The following TICAM2 variants were observed in gnomAD, a reference collection of about 807,000 sequenced individuals.
TICAM2 encodes TIR domain-containing adapter molecule 2.
A neutral mutation model predicts 7.3 loss-of-function variants in TICAM2; 8 were observed. The ratio of observed to expected loss-of-function variants is 1.10; its 90% CI spans 0.65 to 1.99. TICAM2 has a LOEUF of 1.99. Among genes scored for constraint, TICAM2 ranks in the 30% most tolerant of loss-of-function variants. TICAM2 has a pLI of 0.00. For synonymous variants in TICAM2, 113 were observed against 99.6 expected, an observed-to-expected ratio of 1.13 and a Z score of -0.80; for missense variants, 304 against 278.8, an observed-to-expected ratio of 1.09 and a Z score of -0.65.
At chr5:115,590,987 A>C (rs1179074506) in intron 1 of TICAM2, among the ~76,000 whole-genome samples, 1 of 152,170 alleles carries the variant, frequency 6.6e-6, no homozygotes, top group Non-Finnish European at 1.5e-5. Context: ...GGCTATTTGC[A>C]GCTTCCACTT....
At chr5:115,583,543 T>G (rs1755002958) in intron 1 of TICAM2, among the ~76,000 whole-genome samples, 1 of 152,156 alleles carries the variant, frequency 6.6e-6, no homozygotes, top group South Asian at 2.1e-4. Flanking sequence ...AGAAAAAAAC[T>G]AGTGGCAATG....
Position 115,580,453 on chromosome 5 carries a change from C to T in TICAM2, c.*96G>A. On this transcript the variant is annotated 3_prime_UTR_variant, in exon 2 of 2. Transcript: ENST00000427199. ...TAGGTTTCTTTAAGGTGAAGACTCT[C>T]TTTTATTTAAACATTTCCTAGAAAC... The T allele has an allele frequency of 2.2e-6, 3 of 1,388,442 alleles. No individual in the cohort carries two copies. The highest frequency in any genetic ancestry group is 2.8e-6 in the Non-Finnish European group (3 of 1,065,510). 86.0% of individuals were successfully genotyped at this position (1,388,442 alleles called of 1,614,324 possible).
chr5:115,582,994 T>C lies in TICAM2; in HGVS notation c.-59-1679A>G, dbSNP rs549488803. 1.7e-4 allele frequency among the ~76,000 whole-genome samples: 26 copies of C among 152,336 alleles called. No homozygotes were observed. In the South Asian group the frequency reaches 5.4e-3, roughly 32 times the overall value. ...TTCACTCTGTCTGTACTTTAGGTTC[T>C]CGCTCCACGGTATATTGTGCTAGTT... On this transcript the variant is annotated intron_variant, in intron 1 of 1. Coordinates refer to ENST00000427199, the MANE Select transcript of TICAM2 (RefSeq NM_021649.7).
chr5:115,592,001 A>C (rs770910484), intron 1 of TICAM2, among the ~76,000 whole-genome samples: 2 of 152,228 alleles, frequency 1.3e-5, no homozygotes, highest in Non-Finnish European at 2.9e-5. Flanking sequence ...AAAACTGCTA[A>C]GAGCCAATAG....
chr5:115,589,842 T>A (rs193029411), intron 1 of TICAM2, among the ~76,000 whole-genome samples: 39 of 152,342 alleles, frequency 2.6e-4, no homozygotes, highest in Non-Finnish European at 4.9e-4. Context: ...TAGCATATAG[T>A]TAGCATTCAA....
chr5:115,586,262 T>C (rs1167484818), intron 1 of TICAM2, among the ~76,000 whole-genome samples: 1 of 152,200 alleles, frequency 6.6e-6, no homozygotes, highest in Non-Finnish European at 1.5e-5. Context: ...ACAGTGATTT[T>C]TTATTTGTGT....
At position 115,580,234 on chromosome 5, in the gene TICAM2, G is replaced by A. The variant is rs1433813411; in HGVS notation, c.*315C>T. On this transcript the variant is annotated 3_prime_UTR_variant, in exon 2 of 2. Coordinates refer to ENST00000427199, the MANE Select transcript of TICAM2 (RefSeq NM_021649.7). ...AAAGTGTTGTCACATTTTTAAAAATGTCTGTCATACAAGTTTTTGTTCAAG... is the reference window on the plus strand; with the variant it reads ...AAAGTGTTGTCACATTTTTAAAAATATCTGTCATACAAGTTTTTGTTCAAG... 3 of 215,786 alleles carry A rather than the reference G, an allele frequency of 1.4e-5. No homozygotes were observed. Among genetic ancestry groups the A allele is most frequent in the Non-Finnish European group, 2.7e-5 (3 of 110,824 alleles). The allele number at this position is 215,786 out of a possible 1,614,324, so 13.4% of individuals were successfully genotyped here.
At position 115,579,454 on chromosome 5, in the gene TICAM2, C is replaced by CA. The variant is rs1754837586; in HGVS notation, c.*1094dup. On this transcript the variant is annotated 3_prime_UTR_variant, in exon 2 of 2. Transcript: ENST00000427199. Reference sequence around the variant, plus strand: ...GAAGAGGGCTTTTCTCATTACATGACATGACCCATTCTCCACCCCATCCCT... The same window carrying CA: ...GAAGAGGGCTTTTCTCATTACATGACAATGACCCATTCTCCACCCCATCCCT... 1 of 152,224 alleles carries CA rather than the reference C, an allele frequency of 6.6e-6. No individual in the cohort carries two copies. The highest frequency in any genetic ancestry group is 2.1e-4 in the South Asian group (1 of 4,828). The allele number at this position is 152,224 out of a possible 1,614,324, so 9.4% of individuals were successfully genotyped here. A position where few individuals can be genotyped will look rare whatever the true frequency, so the allele number is the denominator to read the frequency against.
In TICAM2 at chr5:115,580,298, A is replaced by T; in HGVS notation, c.*251T>A. On this transcript the variant is annotated 3_prime_UTR_variant, in exon 2 of 2. Transcript: ENST00000427199. Reference sequence around the variant, plus strand: ...AATATGGATTGAGAATTCCTTTTTCATATCCATGAACTAGGAAAATTGTGA... The same window carrying T: ...AATATGGATTGAGAATTCCTTTTTCTTATCCATGAACTAGGAAAATTGTGA... 1 of 403,858 alleles carries T rather than the reference A, an allele frequency of 2.5e-6. No individual in the cohort carries two copies. The highest frequency in any genetic ancestry group is 4.2e-6 in the Non-Finnish European group (1 of 240,690). 25.0% of individuals were successfully genotyped at this position (403,858 alleles called of 1,614,324 possible). A position where few individuals can be genotyped will look rare whatever the true frequency, so the allele number is the denominator to read the frequency against.
At chr5:115,592,248 CAT>C (rs1755335723) in intron 1 of TICAM2, among the ~76,000 whole-genome samples, 1 of 152,150 alleles carries the variant, frequency 6.6e-6, no homozygotes, top group African/African-American at 2.4e-5. Flanking sequence ...TATGACCAAT[CAT>C]ATATAAACGC....
rs756270327 is a variant in TICAM2 at position 115,580,632 on chromosome 5, T to A, written c.625A>T (p.Ile209Phe). Residue 209 changes from isoleucine (I) to phenylalanine (F), a missense_variant, in exon 2 of 2, where the codon ATT becomes TTT. Transcript: ENST00000427199. ...GTCTTATACACAGACTCCTGAAAAATTCTTTCTACTTGTGTAGGAAATCCA... is the reference window on the plus strand; with the variant it reads ...GTCTTATACACAGACTCCTGAAAAAATCTTTCTACTTGTGTAGGAAATCCA... ...SRGFPTQVER[I>F]FQESVYKTQQ... 8.8e-6 allele frequency: 14 copies of A among 1,587,386 alleles called. No individual in the cohort carries two copies. The Middle Eastern group carries it at 1.7e-3, about 192-fold the overall frequency.
intron 1 of TICAM2, among the ~76,000 whole-genome samples, chr5:115,582,995 C>T (rs535950297): frequency 6.6e-6 from 1 of 152,162 alleles, no homozygotes; most frequent in African/African-American, 2.4e-5. Flanking sequence ...TTTAGGTTCT[C>T]GCTCCACGGT....
At position 115,578,749 on chromosome 5, in the gene TICAM2, A is replaced by C. The variant is rs1754810082; in HGVS notation, c.*1800T>G. The C allele has an allele frequency of 6.6e-6, 1 of 150,882 alleles. No homozygotes were observed. The highest frequency in any genetic ancestry group is 2.1e-4 in the South Asian group (1 of 4,736). The allele number at this position is 150,882 out of a possible 1,614,324, so 9.3% of individuals were successfully genotyped here. On this transcript the variant is annotated 3_prime_UTR_variant, in exon 2 of 2. Coordinates refer to ENST00000427199, the MANE Select transcript of TICAM2 (RefSeq NM_021649.7). ...GCAGTTCATGTTTTATTAGTATATA[A>C]AATTGGCTTTACAGGAAGCATTATG...
chr5:115,581,086 T>C lies in TICAM2; in HGVS notation c.171A>G (p.Gly57=), dbSNP rs1252338464. 6.2e-7 allele frequency: 1 copy of C among 1,614,214 alleles called. No homozygotes were observed. Among genetic ancestry groups the C allele is most frequent in the East Asian group, 2.2e-5 (1 of 44,874 alleles). The change falls in exon 2 of 2, where the codon GGA becomes GGG. Residue 57 remains glycine (G), a synonymous_variant. Transcript: ENST00000427199. The part of the protein sequence containing the change: ...EHSNTTEGPT[G]KQEGAQSVEE... ...CCACGCTCTGAGCTCCCTCCTGCTT[T>C]CCTGTTGGCCCCTCTGTTGTATTGC...
At chr5:115,586,698 T>A (rs926763903) in intron 1 of TICAM2, among the ~76,000 whole-genome samples, 1 of 152,204 alleles carries the variant, frequency 6.6e-6, no homozygotes, top group African/African-American at 2.4e-5. Context: ...CCTTTTTCGT[T>A]CATATCTGAA....
At chr5:115,600,141 G>C (rs1755666864) in intron 1 of TICAM2, among the ~76,000 whole-genome samples, 1 of 152,154 alleles carries the variant, frequency 6.6e-6, no homozygotes, top group Non-Finnish European at 1.5e-5. Flanking sequence ...TAAATTCCTA[G>C]AATTCCGGCC....
In TICAM2 at chr5:115,601,600, ACTTT is replaced by A. The variant is rs772565917; in HGVS notation, c.-60+493_-60+496del. On this transcript the variant is annotated intron_variant, in intron 1 of 1. Transcript: ENST00000427199. ...AATAAATATGAGAATATTTTAAAATACTTTCTTTAAGAAGTTTACTACCGTGGAA... is the reference window on the plus strand; with the variant it reads ...AATAAATATGAGAATATTTTAAAATACTTTAAGAAGTTTACTACCGTGGAA... Among the ~76,000 whole-genome samples, 45 of 152,340 alleles carry A rather than the reference ACTTT, an allele frequency of 3.0e-4. No individual in the cohort carries two copies. In the East Asian group the frequency reaches 4.2e-3, roughly 14 times the overall value.
At position 115,580,571 on chromosome 5, in the gene TICAM2, A is replaced by G. The variant is rs1561571935; in HGVS notation, c.686T>C (p.Val229Ala). 1 of 1,598,684 alleles carries G rather than the reference A, an allele frequency of 6.3e-7. No individual in the cohort carries two copies. The highest frequency in any genetic ancestry group is 2.2e-5 in the East Asian group (1 of 44,598). The stretch of plus-strand genomic sequence containing the variant: ...ATCTCAGGCAATAAATTGTCTTTGT[A>G]CCATATTTCTTGTCTCTTTCCATAT... ...QTIWKETRNM[V>A]QRQFIA The change falls in exon 2 of 2, where the codon GTA (valine) becomes GCA (alanine). Residue 229 changes from valine (V) to alanine (A), a missense_variant. Coordinates refer to ENST00000427199, the MANE Select transcript of TICAM2 (RefSeq NM_021649.7).
At chr5:115,586,277 T>C (rs1045250508) in intron 1 of TICAM2, among the ~76,000 whole-genome samples, 4 of 152,330 alleles carry the variant, frequency 2.6e-5, no homozygotes, top group South Asian at 2.1e-4. Context: ...TTGTGTTGTG[T>C]TACAAATGAT....
Sources: gnomAD v4.1 joint callset for allele counts (sites outside exome capture counted in the v4.1 genomes callset) on GRCh38, gnomAD v4.1.1 for gene constraint, MANE v1.5 for transcripts, NCBI Gene and HGNC (gene_info 2026-07-23, HGNC 2026-07-21) for gene names.